MCPH1: variants seen among roughly 807,000 people sequenced by gnomAD.
MCPH1 encodes microcephalin 1, also known as microcephalin.
MCPH1 carries 104 observed loss-of-function variants against 84.5 expected under a neutral mutation model. The observed-to-expected ratio is 1.23, with a 90% CI of 1.05 to 1.45. The LOEUF (loss-of-function observed/expected upper bound fraction) is 1.45. Ranked by LOEUF, MCPH1 falls within the 40% of genes most tolerant of loss-of-function variation. The pLI, the probability that MCPH1 is intolerant of heterozygous loss-of-function variation, is 0.00. For missense variants in MCPH1, 1,498 were observed against 1,005.7 expected (o/e 1.49, Z -6.62); for synonymous variants, 514 against 366.8 (o/e 1.40, Z -4.58).
intron 10 of MCPH1, among the ~76,000 whole-genome samples, chr8:6,480,193 G>A (rs1282074659): frequency 2.7e-5 from 4 of 150,700 alleles, no homozygotes; most frequent in East Asian, 1.9e-4. Flanking sequence ...ACACGATCGC[G>A]GCTCACTGCA....
At chr8:6,613,935 G>C (rs1263204687) in intron 12 of MCPH1, among the ~76,000 whole-genome samples, 1 of 152,064 alleles carries the variant, frequency 6.6e-6, no homozygotes, top group Non-Finnish European at 1.5e-5. Context: ...ACTTTAATGG[G>C]ATTGAAGTGA....
In MCPH1 at chr8:6,531,296, T is replaced by TC. The variant is rs573714419; in HGVS notation, c.2214+31367_2214+31368insC. ...TAGTTTCTTTCTTTCTTTCTTTCTTTTTTTTTTTTTGAGTTGAAGTCTCAC... is the reference window on the plus strand; with the variant it reads ...TAGTTTCTTTCTTTCTTTCTTTCTTTCTTTTTTTTTTGAGTTGAAGTCTCAC... On this transcript the variant is annotated intron_variant, in intron 12 of 13. Transcript: ENST00000344683. 1.9e-3 allele frequency among the ~76,000 whole-genome samples: 292 copies of TC among 150,710 alleles called. 2 individuals are homozygous for TC. The highest frequency in any genetic ancestry group is 6.9e-3 in the African/African-American group (282 of 41,096).
rs181497129 is a variant in MCPH1, at chr8:6,481,299, A to C, written c.2136+423A>C. Among the ~76,000 whole-genome samples the C allele has an allele frequency of 1.7e-4, 26 of 152,352 alleles. No homozygotes were observed. In the East Asian group the frequency reaches 5.0e-3, roughly 29 times the overall value. On this transcript the variant is annotated intron_variant, in intron 11 of 13. Transcript: ENST00000344683. ...GTACAGATGGATTTACTTAGGATGA[A>C]GGATGTTCTTTTAATCCCATTTGGA...
At chr8:6,523,697 C>G (rs1362630045) in intron 12 of MCPH1, among the ~76,000 whole-genome samples, 2 of 152,182 alleles carry the variant, frequency 1.3e-5, no homozygotes, top group Admixed American at 6.5e-5. Flanking sequence ...TCAAGCAGTT[C>G]TCCTGCCTCA....
intron 8 of MCPH1, chr8:6,447,457 T>C (rs889436929): frequency 3.1e-6 from 3 of 980,620 alleles, no homozygotes. Flanking sequence ...TAAGATACAG[T>C]GTAAAAAAGG....
At chr8:6,560,601 A>G (rs1317487312) in intron 12 of MCPH1, among the ~76,000 whole-genome samples, 1 of 149,402 alleles carries the variant, frequency 6.7e-6, no homozygotes, top group Non-Finnish European at 1.5e-5. Context: ...GTGAAAAGAT[A>G]AACATTAAGT....
intron 8 of MCPH1, chr8:6,446,335 GA>G (rs1489236874): frequency 4.1e-6 from 4 of 985,018 alleles, no homozygotes; most frequent in Non-Finnish European, 4.8e-6. Context: ...ATTTGAGTGA[GA>G]ACGCATTCTC....
At chr8:6,457,463 G>A (rs1205959760) in intron 9 of MCPH1, among the ~76,000 whole-genome samples, 1 of 151,656 alleles carries the variant, frequency 6.6e-6, no homozygotes, top group African/African-American at 2.4e-5. Flanking sequence ...AAATTGGCCA[G>A]GCCTGGTGGT....
At chr8:6,628,883 T>A (rs1796957366) in intron 13 of MCPH1, among the ~76,000 whole-genome samples, 1 of 152,206 alleles carries the variant, frequency 6.6e-6, no homozygotes, top group African/African-American at 2.4e-5. Flanking sequence ...TAATTCATGC[T>A]TTGGGTTATG....
chr8:6,457,652 C>T (rs914342464), intron 9 of MCPH1, among the ~76,000 whole-genome samples: 2 of 152,142 alleles, frequency 1.3e-5, no homozygotes, highest in East Asian at 1.9e-4. Flanking sequence ...CTGAGACCCT[C>T]CTGGCCAGCA....
At chr8:6,628,110 T>C (rs1246416250) in intron 13 of MCPH1, among the ~76,000 whole-genome samples, 2 of 152,102 alleles carry the variant, frequency 1.3e-5, no homozygotes, top group African/African-American at 4.8e-5. Context: ...TGGGTCCCCG[T>C]CGTTAAACTT....
chr8:6,508,678 C>G (rs974117203), intron 12 of MCPH1: 1 of 595,866 alleles, frequency 1.7e-6, no homozygotes, highest in Non-Finnish European at 2.9e-6. Flanking sequence ...ATCAAATATC[C>G]CCTCTCCTTG....
At chr8:6,615,055 G>A (rs576300221) in intron 12 of MCPH1, among the ~76,000 whole-genome samples, 1 of 152,268 alleles carries the variant, frequency 6.6e-6, no homozygotes, top group African/African-American at 2.4e-5. Context: ...AAGCACGAAC[G>A]GTCTGGTCCA....
intron 12 of MCPH1, among the ~76,000 whole-genome samples, chr8:6,536,515 T>G (rs1490423358): frequency 6.6e-6 from 1 of 152,140 alleles, no homozygotes; most frequent in Non-Finnish European, 1.5e-5. Context: ...GGAGGGCCAT[T>G]TTTACCACCA....
At chr8:6,572,826 C>T (rs546532731) in intron 12 of MCPH1, among the ~76,000 whole-genome samples, 1 of 152,330 alleles carries the variant, frequency 6.6e-6, no homozygotes, top group East Asian at 1.9e-4. Flanking sequence ...CTGCCTAAGG[C>T]CCTGGGTAGT....
chr8:6,554,760 C>T (rs1218640993), intron 12 of MCPH1, among the ~76,000 whole-genome samples: 4 of 151,990 alleles, frequency 2.6e-5, no homozygotes, highest in African/African-American at 7.2e-5. Context: ...TCGGAGGGAG[C>T]GGGAGAGTCC....
intron 12 of MCPH1, among the ~76,000 whole-genome samples, chr8:6,516,327 T>A (rs773470058): frequency 1.3e-5 from 2 of 152,232 alleles, no homozygotes; most frequent in African/African-American, 4.8e-5. Context: ...TGCTGTAGTA[T>A]CATAATTCTG....
At chr8:6,526,257 TAA>T (rs35519559) in intron 12 of MCPH1, among the ~76,000 whole-genome samples, 148 of 77,472 alleles carry the variant, frequency 1.9e-3, no homozygotes, top group African/African-American at 4.1e-3. Context: ...TTGCCTCTAC[TAA>T]AAAAAAAAAA....
rs976097516 is a variant in MCPH1, at chr8:6,445,422, C to T, written c.1700C>T (p.Thr567Ile). Residue 567 changes from threonine to isoleucine, a missense_variant, in exon 8 of 14, where the codon ACT (threonine) becomes ATT (isoleucine). Coordinates refer to ENST00000344683, the MANE Select transcript of MCPH1 (RefSeq NM_024596.5). ...AAAAGCACACAGAACAAAGGTACCACTTCCAAAATATCAAACTCCTCTGAA... is the reference window on the plus strand; with the variant it reads ...AAAAGCACACAGAACAAAGGTACCATTTCCAAAATATCAAACTCCTCTGAA... The part of the protein sequence containing the change: ...GLKSTQNKGT[T>I]SKISNSSEGE... The T allele has an allele frequency of 6.2e-7, 1 of 1,614,238 alleles. No homozygotes were observed. Among genetic ancestry groups the T allele is most frequent in the Non-Finnish European group, 8.5e-7 (1 of 1,180,054 alleles).
Sources: gnomAD v4.1 joint callset for allele counts (sites outside exome capture counted in the v4.1 genomes callset) on GRCh38, gnomAD v4.1.1 for gene constraint, MANE v1.5 for transcripts, NCBI Gene and HGNC (gene_info 2026-07-23, HGNC 2026-07-21) for gene names.